The following AXL variants were observed in gnomAD, a reference collection of about 807,000 sequenced individuals.
The protein encoded by AXL is AXL receptor tyrosine kinase.
Under a neutral mutation model 104.5 loss-of-function variants are expected in AXL, and 52 were observed. The observed-to-expected ratio is 0.50, with a 90% CI of 0.40 to 0.63. The LOEUF (loss-of-function observed/expected upper bound fraction) is 0.63, where lower values mean the gene tolerates loss of function less well. AXL is among the 20% of genes least tolerant of loss of function. AXL has a pLI of 0.00. For missense variants in AXL, 1,024 were observed against 1,188.5 expected (o/e 0.86, Z 2.04); for synonymous variants, 455 against 473.7 (o/e 0.96, Z 0.51).
chr19:41,230,257 AC>A (rs2033955296), intron 4 of AXL, among the ~76,000 whole-genome samples: 1 of 121,362 alleles, frequency 8.2e-6, no homozygotes, highest in South Asian at 2.7e-4. Flanking sequence ...CCTGTGTGTG[AC>A]TGTGTGTGAG....
intron 14 of AXL, among the ~76,000 whole-genome samples, chr19:41,249,251 C>A (rs554964119): frequency 6.6e-6 from 1 of 150,950 alleles, no homozygotes; most frequent in East Asian, 2.0e-4. Flanking sequence ...CCAGCCTAGG[C>A]AATATGGTGA....
At position 41,243,704 on chromosome 19, in the gene AXL, A is replaced by G. The variant is rs1382379195; in HGVS notation, c.1534A>G (p.Thr512Ala). ...KSYSRRTTEATLNSLGISEEL... is the reference protein window; with the variant it reads ...KSYSRRTTEAALNSLGISEEL... Reference sequence around the variant, plus strand: ...CTACAGTCGTCGGACCACTGAAGCTACCTGTAAGTGAACCCTATGCCCCAC... The same window carrying G: ...CTACAGTCGTCGGACCACTGAAGCTGCCTGTAAGTGAACCCTATGCCCCAC... Residue 512 changes from threonine to alanine, a missense_variant, in exon 12 of 20, where the codon ACC (threonine) becomes GCC (alanine). Transcript: ENST00000301178. 6.2e-7 allele frequency: 1 copy of G among 1,613,246 alleles called. No individual in the cohort carries two copies. The highest frequency in any genetic ancestry group is 8.5e-7 in the Non-Finnish European group (1 of 1,179,232).
chr19:41,225,576 G>A lies in AXL; in HGVS notation c.586+3520G>A, dbSNP rs73043268. On this transcript the variant is annotated intron_variant, in intron 4 of 19. Transcript: ENST00000301178. ...TGGCATCAGCCTAGATGTACATTGC[G>A]TCGCTAGGTGTTTGTAATCAATGTG... Among the ~76,000 whole-genome samples, 99 of 152,322 alleles carry A rather than the reference G, an allele frequency of 6.5e-4. 1 individual carries two copies. The highest frequency in any genetic ancestry group is 1.2e-3 in the Non-Finnish European group (79 of 68,032).
rs1003208693 is a variant in AXL at position 41,261,224 on chromosome 19, A to T, written c.*1320A>T. On this transcript the variant is annotated 3_prime_UTR_variant, in exon 20 of 20. Transcript: ENST00000301178. ...TCTGTTCTGTTTCAAGGCACTCTAG[A>T]TTCCATTGGTCCAAGATTCCGGATC... The T allele has an allele frequency of 2.0e-5, 3 of 152,604 alleles. No homozygotes were observed. Among genetic ancestry groups the T allele is most frequent in the Non-Finnish European group, 4.4e-5 (3 of 68,016 alleles). The allele number at this position is 152,604 out of a possible 1,614,324, so 9.5% of individuals were successfully genotyped here. A position where few individuals can be genotyped will look rare whatever the true frequency, so the allele number is the denominator to read the frequency against.
chr19:41,232,716 A>G (rs1005500425), intron 6 of AXL, among the ~76,000 whole-genome samples: 6 of 152,160 alleles, frequency 3.9e-5, no homozygotes, highest in African/African-American at 1.4e-4. Context: ...TCTGGTCTGA[A>G]GTTCTCTGAG....
intron 10 of AXL, among the ~76,000 whole-genome samples, chr19:41,241,444 T>C (rs1361490147): frequency 6.8e-6 from 1 of 147,604 alleles, no homozygotes; most frequent in Non-Finnish European, 1.5e-5. Context: ...CTCGGGAGGC[T>C]GAGGCACAAG....
At chr19:41,253,842 C>G (rs1028620536) in intron 17 of AXL, 134 bp downstream of exon 17, 1 of 705,568 alleles carries the variant, frequency 1.4e-6, no homozygotes, top group Non-Finnish European at 2.5e-6. Flanking sequence ...CCAGGAAAGT[C>G]AGTAAGGGGG....
chr19:41,256,339 C>T (rs1049375507), intron 17 of AXL, 113 bp from the exon 18 acceptor site: 3 of 1,297,394 alleles, frequency 2.3e-6, no homozygotes, highest in African/African-American at 2.9e-5. Context: ...CAGATCCCCA[C>T]CCGCAGCCAG....
At chr19:41,227,248 A>T (rs2033897539) in intron 4 of AXL, among the ~76,000 whole-genome samples, 1 of 152,162 alleles carries the variant, frequency 6.6e-6, no homozygotes. Context: ...GAGCCCCCAC[A>T]AAAGCCTGAA....
chr19:41,260,298 CTTTTTTTTTT>C lies in AXL; in HGVS notation c.*416_*425del, dbSNP rs869213717. On this transcript the variant is annotated 3_prime_UTR_variant, in exon 20 of 20. Coordinates refer to ENST00000301178, the MANE Select transcript of AXL (RefSeq NM_021913.5). ...TAAAGTGCTAAGGTTCTAAGGCCTACTTTTTTTTTTTTTTTTTTTTTTTTTTTTTTTGCGA... is the reference window on the plus strand; with the variant it reads ...TAAAGTGCTAAGGTTCTAAGGCCTACTTTTTTTTTTTTTTTTTTTTTGCGA... The C allele has an allele frequency of 2.3e-3, 113 of 48,618 alleles. 1 individual carries two copies. Among genetic ancestry groups the C allele is most frequent in the South Asian group, 0.015 (15 of 996 alleles). 3.0% of individuals were successfully genotyped at this position (48,618 alleles called of 1,614,324 possible). A position where few individuals can be genotyped will look rare whatever the true frequency, so the allele number is the denominator to read the frequency against.
intron 1 of AXL, 74 bp downstream of exon 1, chr19:41,219,551 T>C: frequency 7.0e-7 from 1 of 1,431,848 alleles, no homozygotes; most frequent in Non-Finnish European, 9.5e-7. Flanking sequence ...TGGGGGATGA[T>C]GGCAGGTGTG....
At chr19:41,229,937 ATG>A (rs905869790) in intron 4 of AXL, among the ~76,000 whole-genome samples, 3 of 151,720 alleles carry the variant, frequency 2.0e-5, no homozygotes, top group Non-Finnish European at 4.4e-5. Flanking sequence ...GTGTTTGTGC[ATG>A]TGAGTGTGTG....
At chr19:41,233,460 C>A (rs903005416) in intron 6 of AXL, among the ~76,000 whole-genome samples, 23 of 151,248 alleles carry the variant, frequency 1.5e-4, no homozygotes, top group Admixed American at 5.3e-4. Context: ...TGAGGCAGGT[C>A]TGTACAAAAA....
intron 6 of AXL, among the ~76,000 whole-genome samples, chr19:41,232,467 C>CA (rs2034008166): frequency 6.6e-6 from 1 of 151,704 alleles, no homozygotes; most frequent in Admixed American, 6.6e-5. Flanking sequence ...ACTAAAAATA[C>CA]AAAAAATTAG....
chr19:41,259,846 C>G lies in AXL; in HGVS notation c.2627C>G (p.Pro876Arg). 1 of 1,610,946 alleles carries G rather than the reference C, an allele frequency of 6.2e-7. No homozygotes were observed. The highest frequency in any genetic ancestry group is 1.1e-5 in the South Asian group (1 of 90,688). ...CTCTGCCCTTCCACAACCCCTAGCCCCGCTCAGCCTGCTGATAGGGGCTCC... is the reference window on the plus strand; with the variant it reads ...CTCTGCCCTTCCACAACCCCTAGCCGCGCTCAGCCTGCTGATAGGGGCTCC... The part of the protein sequence containing the change: ...YVLCPSTTPS[P>R]AQPADRGSPA... Residue 876 changes from proline to arginine, a missense_variant, in exon 20 of 20, where the codon CCC becomes CGC. Physicochemically the swap from Pro to Arg is moderately radical, Grantham distance 103. Transcript: ENST00000301178.
chr19:41,231,212 C>G lies in AXL; in HGVS notation c.697C>G (p.Leu233Val). The change falls in exon 6 of 20, where the codon CTG (leucine) becomes GTG (valine). Residue 233 changes from leucine (L) to valine (V), a missense_variant. Leu to Val is a conservative substitution (Grantham distance 32). Around this residue, in one of 5 missense-constraint regions of AXL, gnomAD observed 332 missense variants for 343.9 expected, o/e 0.97. Transcript: ENST00000301178. ...VLPQQPRNLH[L>V]VSRQPTELEV... is the part of the protein sequence containing the mutation. ...CCCCCAGCAGCCCCGTAACCTCCAC[C>G]TGGTCTCCCGCCAACCCACGGAGCT... The G allele has an allele frequency of 6.2e-7, 1 of 1,613,854 alleles. No individual in the cohort carries two copies. Among genetic ancestry groups the G allele is most frequent in the Non-Finnish European group, 8.5e-7 (1 of 1,179,854 alleles).
At position 41,238,462 on chromosome 19, in the gene AXL, T is replaced by C; in HGVS notation, c.995-8T>C. On this transcript the variant is annotated splice_region_variant and splice_polypyrimidine_tract_variant and intron_variant, in intron 7 of 19. Coordinates refer to ENST00000301178, the MANE Select transcript of AXL (RefSeq NM_021913.5). ...GGGTGCCAGCTTCCCCTCTTCCCTGTCCTCCAGTGCCCCTGGGCCCCCCTG... is the reference window on the plus strand; with the variant it reads ...GGGTGCCAGCTTCCCCTCTTCCCTGCCCTCCAGTGCCCCTGGGCCCCCCTG... 6.2e-7 allele frequency: 1 copy of C among 1,607,010 alleles called. No homozygotes were observed.
At chr19:41,252,591 T>C in intron 15 of AXL, 148 bp downstream of exon 15, 3 of 1,076,802 alleles carry the variant, frequency 2.8e-6, no homozygotes, top group East Asian at 5.0e-5. Context: ...CCTCCTAGTC[T>C]CCCTCAGCTT....
chr19:41,250,260 A>C (rs1028009456), intron 14 of AXL, among the ~76,000 whole-genome samples: 1 of 152,226 alleles, frequency 6.6e-6, no homozygotes, highest in Non-Finnish European at 1.5e-5. Flanking sequence ...CAGGAAGTCC[A>C]GGGCTAAGTT....
Sources: gnomAD v4.1 joint callset for allele counts (sites outside exome capture counted in the v4.1 genomes callset) on GRCh38, gnomAD v4.1.1 for gene constraint, gnomAD v4.1.1 regional missense constraint, MANE v1.5 for transcripts, NCBI Gene and HGNC (gene_info 2026-07-23, HGNC 2026-07-21) for gene names.